The following RASGRF2 variants were observed in gnomAD, a reference collection of about 807,000 sequenced individuals.
RASGRF2 encodes Ras protein specific guanine nucleotide releasing factor 2.
Under a neutral mutation model 151.0 loss-of-function variants are expected in RASGRF2, and 76 were observed. That is an observed-to-expected ratio of 0.50 (90% CI 0.42 to 0.61). RASGRF2 has a LOEUF of 0.61. Ranked by LOEUF, RASGRF2 falls within the 20% of genes least tolerant of loss-of-function variation. The pLI is 0.00. For missense variants in RASGRF2, 1,148 were observed against 1,564.6 expected (o/e 0.73, Z 4.49); for synonymous variants, 504 against 566.5 (o/e 0.89, Z 1.57).
At chr5:81,154,047 C>T (rs1165282104) in intron 17 of RASGRF2, among the ~76,000 whole-genome samples, 1 of 151,640 alleles carries the variant, frequency 6.6e-6, no homozygotes, top group African/African-American at 2.4e-5. Flanking sequence ...AACAACAGAG[C>T]CCTAAATACA....
At chr5:81,062,932 T>G (rs573583897) in intron 2 of RASGRF2, among the ~76,000 whole-genome samples, 1 of 152,314 alleles carries the variant, frequency 6.6e-6, no homozygotes, top group Non-Finnish European at 1.5e-5. Context: ...ATTGGTTGTC[T>G]GTGTATTGTT....
intron 9 of RASGRF2, among the ~76,000 whole-genome samples, chr5:81,089,103 A>G (rs1402687728): frequency 2.6e-5 from 4 of 152,248 alleles, no homozygotes; most frequent in Non-Finnish European, 5.9e-5. Flanking sequence ...AAGTAATACA[A>G]TCACAGACAA....
chr5:81,157,385 AAAAAT>A (rs1485115046), intron 17 of RASGRF2, among the ~76,000 whole-genome samples: 9 of 151,922 alleles, frequency 5.9e-5, no homozygotes. Flanking sequence ...TCAACTACTT[AAAAAT>A]ACATTTAACA....
At chr5:81,119,898 T>C (rs1373663871) in intron 15 of RASGRF2, among the ~76,000 whole-genome samples, 1 of 152,240 alleles carries the variant, frequency 6.6e-6, no homozygotes, top group African/African-American at 2.4e-5. Context: ...GTTAGAAATA[T>C]CATTTTAGAG....
chr5:81,056,140 T>C (rs1007521587), intron 2 of RASGRF2, among the ~76,000 whole-genome samples: 2 of 152,216 alleles, frequency 1.3e-5, no homozygotes, highest in Non-Finnish European at 2.9e-5. Flanking sequence ...AGTTCTGCTC[T>C]GATCTTAGTT....
At chr5:80,988,982 A>ATTT (rs552090820) in intron 1 of RASGRF2, among the ~76,000 whole-genome samples, 1 of 144,360 alleles carries the variant, frequency 6.9e-6, no homozygotes, top group Admixed American at 6.9e-5. Flanking sequence ...ATCATAATTG[A>ATTT]TTTTTTTTTT....
Position 80,960,737 on chromosome 5 carries a change from C to T in RASGRF2, c.-2C>T. The T allele has an allele frequency of 6.4e-7, 1 of 1,569,802 alleles. No homozygotes were observed. Among genetic ancestry groups the T allele is most frequent in the South Asian group, 1.2e-5 (1 of 85,826 alleles). On this transcript the variant is annotated 5_prime_UTR_variant, in exon 1 of 27. Transcript: ENST00000265080. The surrounding 1 kb of genome is among the most constrained non-coding windows in gnomAD (Gnocchi z 5.5). ...CACCCGTGAGCCCTCCGCACCCGCACCATGCAGAAGAGCGTGCGCTACAAC... is the reference window on the plus strand; with the variant it reads ...CACCCGTGAGCCCTCCGCACCCGCATCATGCAGAAGAGCGTGCGCTACAAC...
intron 1 of RASGRF2, among the ~76,000 whole-genome samples, chr5:80,979,349 G>T (rs541160881): frequency 1.5e-4 from 23 of 152,112 alleles, no homozygotes; most frequent in Non-Finnish European, 3.1e-4. Flanking sequence ...ATAAAACTAA[G>T]TTTAAGTGCA....
Position 81,173,626 on chromosome 5 carries a change from G to A in RASGRF2, c.2687-6549G>A, listed in dbSNP as rs75280001. Among the ~76,000 whole-genome samples the A allele has an allele frequency of 2.2e-3, 329 of 152,274 alleles. 1 individual carries two copies. Among genetic ancestry groups the A allele is most frequent in the African/African-American group, 7.3e-3 (305 of 41,548 alleles). On this transcript the variant is annotated intron_variant, in intron 17 of 26. Transcript: ENST00000265080. ...CAGCTATTTTCAGTTTACTAGATGTGTAACCTTAAACAAGTTACTTAACCT... is the reference window on the plus strand; with the variant it reads ...CAGCTATTTTCAGTTTACTAGATGTATAACCTTAAACAAGTTACTTAACCT...
intron 18 of RASGRF2, among the ~76,000 whole-genome samples, chr5:81,187,076 G>A (rs1462002677): frequency 3.9e-5 from 6 of 152,146 alleles, no homozygotes; most frequent in Non-Finnish European, 7.3e-5. Context: ...TTGTGAAAGC[G>A]GCATCTGGTC....
At chr5:81,092,273 AT>A (rs1752411248) in intron 9 of RASGRF2, among the ~76,000 whole-genome samples, 1 of 151,410 alleles carries the variant, frequency 6.6e-6, no homozygotes, top group Admixed American at 6.6e-5. Flanking sequence ...TCTTAGCTAA[AT>A]TTCACTGAAT....
intron 1 of RASGRF2, among the ~76,000 whole-genome samples, chr5:81,005,608 G>A (rs1177630121): frequency 6.6e-6 from 1 of 152,154 alleles, no homozygotes; most frequent in East Asian, 1.9e-4. Context: ...CCCATTGTAT[G>A]GATATACCAC....
intron 10 of RASGRF2, among the ~76,000 whole-genome samples, chr5:81,093,836 T>C (rs778404457): frequency 7.9e-5 from 12 of 152,200 alleles, no homozygotes; most frequent in Non-Finnish European, 1.2e-4. Flanking sequence ...AGAGATCATA[T>C]GACTTGCAGA....
intron 1 of RASGRF2, among the ~76,000 whole-genome samples, chr5:81,038,350 C>T (rs1750569989): frequency 6.6e-6 from 1 of 152,040 alleles, no homozygotes; most frequent in Admixed American, 6.6e-5. Flanking sequence ...GGTGCTGTCT[C>T]CTTGTCAACA....
intron 7 of RASGRF2, among the ~76,000 whole-genome samples, chr5:81,082,516 A>G (rs1472654172): frequency 6.6e-6 from 1 of 152,246 alleles, no homozygotes; most frequent in Non-Finnish European, 1.5e-5. Flanking sequence ...CAAACTAAAT[A>G]GCTATTTCAT....
At chr5:81,180,411 A>AG in intron 18 of RASGRF2, 130 bp downstream of exon 18, 1 of 633,826 alleles carries the variant, frequency 1.6e-6, no homozygotes, top group South Asian at 1.7e-5. Flanking sequence ...GAACTTAGGA[A>AG]GGGAAGAAAT....
intron 1 of RASGRF2, among the ~76,000 whole-genome samples, chr5:80,968,181 C>CT (rs1747783203): frequency 1.3e-5 from 2 of 152,212 alleles, no homozygotes; most frequent in Admixed American, 1.3e-4. Flanking sequence ...TTTGATATTC[C>CT]TCTTTTTATT....
rs754623163 is a variant in RASGRF2 at position 81,123,780 on chromosome 5, G to C, written c.2596+13G>C. The C allele has an allele frequency of 1.2e-6, 2 of 1,606,098 alleles. No individual in the cohort carries two copies. The highest frequency in any genetic ancestry group is 1.7e-5 in the Admixed American group (1 of 58,236). ...CGACAGCCTGGAGGTAAGAGCTCAAGAGGGACTCAGAAATAGAAACGTGAA... is the reference window on the plus strand; with the variant it reads ...CGACAGCCTGGAGGTAAGAGCTCAACAGGGACTCAGAAATAGAAACGTGAA... On this transcript the variant is annotated intron_variant, in intron 16 of 26. Coordinates refer to ENST00000265080, the MANE Select transcript of RASGRF2 (RefSeq NM_006909.3).
intron 1 of RASGRF2, among the ~76,000 whole-genome samples, chr5:81,012,255 A>G (rs1002273386): frequency 6.6e-6 from 1 of 152,140 alleles, no homozygotes; most frequent in South Asian, 2.1e-4. Context: ...GTATGATGCT[A>G]TCTGCCAGAG....
Sources: allele counts gnomAD v4.1 joint callset (sites outside exome capture counted in the v4.1 genomes callset), GRCh38; gene constraint gnomAD v4.1.1; non-coding constraint Gnocchi (gnomAD v3.1); transcripts MANE v1.5; gene names NCBI Gene and HGNC (gene_info 2026-07-23, HGNC 2026-07-21).